VPS35L: variants seen among roughly 807,000 people sequenced by gnomAD.
The protein encoded by VPS35L is VPS35 endosomal protein-sorting factor-like.
A neutral mutation model predicts 133.0 loss-of-function variants in VPS35L; 83 were observed. That is an observed-to-expected ratio of 0.62 (90% confidence interval 0.52 to 0.75). The LOEUF (loss-of-function observed/expected upper bound fraction) is 0.75, where lower values mean the gene tolerates loss of function less well. Ranked by LOEUF, VPS35L falls within the 30% of genes least tolerant of loss-of-function variation. The pLI is 0.00. For missense variants in VPS35L, 1,083 were observed against 1,206.8 expected, an observed-to-expected ratio of 0.90 and a Z score of 1.52; for synonymous variants, 423 against 449.9, an observed-to-expected ratio of 0.94 and a Z score of 0.76.
chr16:19,689,151 G>A (rs2151624351), intron 28 of VPS35L, among the ~76,000 whole-genome samples: 1 of 148,830 alleles, frequency 6.7e-6, no homozygotes, highest in East Asian at 2.0e-4. Context: ...GCTAATTTTT[G>A]TATTTTTAGT....
At chr16:19,650,000 G>T (rs574156003) in intron 24 of VPS35L, among the ~76,000 whole-genome samples, 41 of 152,266 alleles carry the variant, frequency 2.7e-4, no homozygotes, top group South Asian at 1.7e-3. Flanking sequence ...TGGTCTGATT[G>T]TCTAAATGGT....
At chr16:19,635,098 G>C (rs1973584160) in intron 19 of VPS35L, among the ~76,000 whole-genome samples, 1 of 152,122 alleles carries the variant, frequency 6.6e-6, no homozygotes, top group South Asian at 2.1e-4. Flanking sequence ...CCAGACTTTG[G>C]GAGGCTGAGG....
chr16:19,625,565 AC>A (rs1973234660), intron 14 of VPS35L, among the ~76,000 whole-genome samples: 2 of 152,184 alleles, frequency 1.3e-5, no homozygotes, highest in African/African-American at 4.8e-5. Flanking sequence ...GGACAAGGAG[AC>A]CCAGGTTCGA....
At chr16:19,593,501 GT>G (rs1487022536) in intron 8 of VPS35L, among the ~76,000 whole-genome samples, 1 of 152,218 alleles carries the variant, frequency 6.6e-6, no homozygotes, top group Non-Finnish European at 1.5e-5. Flanking sequence ...GCTAAAACAA[GT>G]GACAAGAAAG....
At chr16:19,578,931 T>C in intron 5 of VPS35L, 121 bp from the exon 6 acceptor site, 1 of 831,346 alleles carries the variant, frequency 1.2e-6, no homozygotes, top group South Asian at 1.5e-5. Context: ...GATAGTTTTC[T>C]ATAATGGAAT....
At chr16:19,691,246 C>T in intron 28 of VPS35L, 107 bp from the exon 29 acceptor site, 1 of 878,882 alleles carries the variant, frequency 1.1e-6, no homozygotes, top group Non-Finnish European at 1.9e-6. Flanking sequence ...CCTGCCACGA[C>T]TTCCTGCCAT....
chr16:19,603,370 T>TATTAAA (rs1972446159), intron 9 of VPS35L, among the ~76,000 whole-genome samples: 1 of 152,146 alleles, frequency 6.6e-6, no homozygotes, highest in South Asian at 2.1e-4. Context: ...GTGACGTAAC[T>TATTAAA]ATTAAAAAAG....
chr16:19,598,000 G>A (rs1972270401), intron 8 of VPS35L, among the ~76,000 whole-genome samples: 3 of 152,224 alleles, frequency 2.0e-5, no homozygotes, highest in African/African-American at 7.2e-5. Context: ...AGCATCCACA[G>A]AGACTGGCAT....
Position 19,700,307 on chromosome 16 carries a change from T to C in VPS35L, c.2794-71T>C. On this transcript the variant is annotated intron_variant, in intron 30 of 30. Coordinates refer to ENST00000417362, the MANE Select transcript of VPS35L (RefSeq NM_020314.7). The stretch of plus-strand genomic sequence containing the variant: ...AAGAAATCTAAGCTCACATAATGGC[T>C]GATTCATTAGAGCCTTGGGCTCCAA... The C allele has an allele frequency of 3.7e-6, 5 of 1,347,796 alleles. No homozygotes were observed. The South Asian group carries it at 6.0e-5, about 16-fold the overall frequency. 83.5% of individuals were successfully genotyped at this position (1,347,796 alleles called of 1,614,324 possible). A position where few individuals can be genotyped will look rare whatever the true frequency, so the allele number is the denominator to read the frequency against.
chr16:19,569,761 G>A (rs997695193), intron 3 of VPS35L, among the ~76,000 whole-genome samples, 170 bp downstream of exon 3: 48 of 150,322 alleles, frequency 3.2e-4, no homozygotes, highest in African/African-American at 5.1e-4. Context: ...CTCCAACTCC[G>A]GGGCTCAAGC....
At chr16:19,663,898 C>T (rs1567467786) in intron 26 of VPS35L, among the ~76,000 whole-genome samples, 1 of 151,952 alleles carries the variant, frequency 6.6e-6, no homozygotes, top group Non-Finnish European at 1.5e-5. Context: ...CCCTTTCCCG[C>T]AGCTATTTGC....
intron 19 of VPS35L, among the ~76,000 whole-genome samples, chr16:19,635,879 A>G (rs1271635675): frequency 6.6e-6 from 1 of 152,192 alleles, no homozygotes; most frequent in Non-Finnish European, 1.5e-5. Flanking sequence ...CAAGTCTGAA[A>G]TTATTTCAAA....
chr16:19,676,541 A>G (rs959961529), intron 27 of VPS35L, among the ~76,000 whole-genome samples: 1 of 152,196 alleles, frequency 6.6e-6, no homozygotes, highest in Non-Finnish European at 1.5e-5. Context: ...GAACAAGTTC[A>G]GTGTCACAGT....
chr16:19,622,507 AC>A (rs1218311904), intron 14 of VPS35L, among the ~76,000 whole-genome samples: 1 of 151,822 alleles, frequency 6.6e-6, no homozygotes, highest in Non-Finnish European at 1.5e-5. Flanking sequence ...GCCCTGTGGA[AC>A]CCGTGTATAC....
chr16:19,660,462 T>C (rs1167335669), intron 26 of VPS35L, among the ~76,000 whole-genome samples: 2 of 152,194 alleles, frequency 1.3e-5, no homozygotes, highest in East Asian at 3.8e-4. Context: ...ATTGAAGATC[T>C]AGGAGTGAAA....
chr16:19,579,231 G>C, intron 6 of VPS35L, 103 bp downstream of exon 6: 1 of 1,068,636 alleles, frequency 9.4e-7, no homozygotes, highest in Admixed American at 2.1e-5. Context: ...TTCCTGGGCT[G>C]CGCATTGTGC....
At chr16:19,645,060 T>C in intron 23 of VPS35L, 111 bp downstream of exon 23, 1 of 667,098 alleles carries the variant, frequency 1.5e-6, no homozygotes. Context: ...TCATTCTTAG[T>C]GAGATAAAAT....
At chr16:19,660,133 C>T (rs1263022427) in intron 26 of VPS35L, among the ~76,000 whole-genome samples, 1 of 151,856 alleles carries the variant, frequency 6.6e-6, no homozygotes, top group African/African-American at 2.4e-5. Flanking sequence ...GAGACCAGCC[C>T]GGCCAACATG....
At position 19,682,522 on chromosome 16, in the gene VPS35L, ACT is replaced by A. The variant is rs1299150555; in HGVS notation, c.2527+133_2527+134del. 42 of 1,041,018 alleles carry A rather than the reference ACT, an allele frequency of 4.0e-5. No homozygotes were observed. The African/African-American group carries it at 6.6e-4, about 16-fold the overall frequency. 64.5% of individuals were successfully genotyped at this position (1,041,018 alleles called of 1,614,324 possible). ...CCATGAACTTCTAGTCCAGGGTCTC[ACT>A]GTATTTACCTGATCTAAGATTTACC... On this transcript the variant is annotated intron_variant, in intron 28 of 30. Transcript: ENST00000417362.
Sources: gnomAD v4.1 joint callset for allele counts (sites outside exome capture counted in the v4.1 genomes callset) on GRCh38, gnomAD v4.1.1 for gene constraint, MANE v1.5 for transcripts, NCBI Gene and HGNC (gene_info 2026-07-23, HGNC 2026-07-21) for gene names.